The following ZFP64 variants were observed in gnomAD, a reference collection of about 807,000 sequenced individuals.
ZFP64 encodes ZFP64 zinc finger protein, also known as zinc finger protein 64.
A neutral mutation model predicts 51.6 loss-of-function variants in ZFP64; 14 were observed. The ratio of observed to expected loss-of-function variants is 0.27; its 90% CI spans 0.18 to 0.42. ZFP64 has a LOEUF of 0.42. Among genes scored for constraint, ZFP64 ranks in the 10% least tolerant of loss-of-function variants. The probability of loss-of-function intolerance (pLI) is 1.00; values close to 1 mark genes in which losing one functional copy is unlikely to be tolerated. For missense variants in ZFP64, 754 were observed against 906.8 expected (o/e 0.83, Z 2.16); for synonymous variants, 375 against 361.4 (o/e 1.04, Z -0.43).
chr20:52,086,478 ATTTTT>A (rs11476509), intron 8 of ZFP64, among the ~76,000 whole-genome samples: 2 of 142,564 alleles, frequency 1.4e-5, no homozygotes, highest in Non-Finnish European at 3.0e-5. Context: ...TTCACAAGGA[ATTTTT>A]TTTTTTTTTT....
intron 5 of ZFP64, among the ~76,000 whole-genome samples, chr20:52,140,506 G>A (rs1468292913): frequency 2.6e-5 from 4 of 152,206 alleles, no homozygotes; most frequent in East Asian, 1.9e-4. Flanking sequence ...AACCAGCCAC[G>A]ACATTGTCTT....
chr20:52,158,893 A>C (rs1004863069), intron 5 of ZFP64, among the ~76,000 whole-genome samples: 18 of 152,200 alleles, frequency 1.2e-4, no homozygotes, highest in African/African-American at 4.3e-4. Flanking sequence ...AAGAGTTGAA[A>C]TGGGCTTACA....
At chr20:52,182,518 A>C (rs1337046776) in intron 2 of ZFP64, among the ~76,000 whole-genome samples, 1 of 152,226 alleles carries the variant, frequency 6.6e-6, no homozygotes, top group Non-Finnish European at 1.5e-5. Context: ...CAGGAGTTCA[A>C]GACCAGCCTG....
intron 4 of ZFP64, among the ~76,000 whole-genome samples, chr20:52,162,909 T>C (rs1981942354): frequency 6.6e-6 from 1 of 152,196 alleles, no homozygotes; most frequent in South Asian, 2.1e-4. Flanking sequence ...AAGGTGAGGA[T>C]ACATTTAAAC....
chr20:52,108,924 T>TGAA, intron 5 of ZFP64, among the ~76,000 whole-genome samples: 1 of 150,676 alleles, frequency 6.6e-6, no homozygotes, highest in East Asian at 1.9e-4. Flanking sequence ...GGTCTACAGA[T>TGAA]ATAAATGAAA....
chr20:52,137,752 G>A (rs1012006212), intron 5 of ZFP64, among the ~76,000 whole-genome samples: 27 of 152,236 alleles, frequency 1.8e-4, no homozygotes, highest in Admixed American at 3.9e-4. Flanking sequence ...TGAGGATGGC[G>A]GCTGTAGAAG....
At position 52,151,313 on chromosome 20, in the gene ZFP64, A is replaced by G; in HGVS notation, c.*833T>C. 1.0e-6 allele frequency: 1 copy of G among 985,266 alleles called. No individual in the cohort carries two copies. Among genetic ancestry groups the G allele is most frequent in the Non-Finnish European group, 1.2e-6 (1 of 829,782 alleles). 61.0% of individuals were successfully genotyped at this position (985,266 alleles called of 1,614,324 possible). A position where few individuals can be genotyped will look rare whatever the true frequency, so the allele number is the denominator to read the frequency against. Reference sequence around the variant, plus strand: ...TCAGATATCAATTTATTATGGAACCATTCATTTTCTGCTCATTAGCACTAA... The same window carrying G: ...TCAGATATCAATTTATTATGGAACCGTTCATTTTCTGCTCATTAGCACTAA... On this transcript the variant is annotated 3_prime_UTR_variant, in exon 6 of 6. Transcript: ENST00000216923.
intron 5 of ZFP64, among the ~76,000 whole-genome samples, chr20:52,099,592 AG>A (rs1203960002): frequency 6.6e-6 from 1 of 152,250 alleles, no homozygotes; most frequent in African/African-American, 2.4e-5. Flanking sequence ...AGTTTGCTAC[AG>A]GGGTTTTATA....
At position 52,152,980 on chromosome 20, in the gene ZFP64, C is replaced by T. The variant is rs767295474; in HGVS notation, c.1212G>A (p.Glu404=). ...TGCTCTGCCTGCCGGTGTCCTTCCT[C>T]TCTAGAGCCTCAGTCTTAACCATGT... ...HGDMVKTEAL[E]RKDTGRQSSR... The change falls in exon 6 of 6, where the codon GAG becomes GAA. Residue 404 remains glutamate (E), a synonymous_variant. Coordinates refer to ENST00000216923, the MANE Select transcript of ZFP64 (RefSeq NM_018197.3). The T allele has an allele frequency of 1.2e-6, 2 of 1,613,912 alleles. No individual in the cohort carries two copies. The highest frequency in any genetic ancestry group is 2.2e-5 in the East Asian group (1 of 44,888).
intron 5 of ZFP64, among the ~76,000 whole-genome samples, chr20:52,144,636 GGTAGAGAAATAAATA>G (rs1745513152): frequency 7.2e-6 from 1 of 138,010 alleles, no homozygotes; most frequent in Admixed American, 7.4e-5. Context: ...ATGGAGGAGG[GGTAGAGAAATAAATA>G]AAAGCAAAAG....
At chr20:52,170,077 C>T (rs994382602) in intron 2 of ZFP64, among the ~76,000 whole-genome samples, 3 of 151,880 alleles carry the variant, frequency 2.0e-5, no homozygotes, top group Admixed American at 2.0e-4. Context: ...TAATATAGTC[C>T]CATTTGTCTG....
At chr20:52,087,088 T>C (rs180676354) in intron 8 of ZFP64, among the ~76,000 whole-genome samples, 1 of 152,112 alleles carries the variant, frequency 6.6e-6, no homozygotes, top group Non-Finnish European at 1.5e-5. Context: ...ATTTCCCAAC[T>C]CTTGAGGGCA....
intron 5 of ZFP64, among the ~76,000 whole-genome samples, chr20:52,117,096 C>G (rs975814396): frequency 6.6e-6 from 1 of 151,988 alleles, no homozygotes; most frequent in East Asian, 1.9e-4. Context: ...CACACACACA[C>G]AAATTATGAA....
chr20:52,190,189 G>C (rs1222804899), intron 1 of ZFP64, among the ~76,000 whole-genome samples: 3 of 152,116 alleles, frequency 2.0e-5, no homozygotes, highest in Non-Finnish European at 4.4e-5. Flanking sequence ...TTCTTCTCTG[G>C]CAGATACTGA....
intron 2 of ZFP64, among the ~76,000 whole-genome samples, chr20:52,172,570 C>T (rs540403587): frequency 3.3e-5 from 5 of 152,126 alleles, no homozygotes; most frequent in Non-Finnish European, 7.4e-5. Context: ...AAACGCCCCA[C>T]ATCTGCTGAG....
intron 5 of ZFP64, among the ~76,000 whole-genome samples, chr20:52,133,810 C>G (rs1359048268): frequency 2.0e-5 from 3 of 151,984 alleles, no homozygotes; most frequent in Non-Finnish European, 4.4e-5. Context: ...GGGTAGATCA[C>G]TTGAGTCTAG....
At chr20:52,106,196 G>T (rs1178819247) in intron 5 of ZFP64, among the ~76,000 whole-genome samples, 5 of 152,184 alleles carry the variant, frequency 3.3e-5, no homozygotes, top group African/African-American at 4.8e-5. Flanking sequence ...TCGGGGGGTT[G>T]AGCTAATTAG....
At chr20:52,102,661 A>G (rs958562104) in intron 5 of ZFP64, among the ~76,000 whole-genome samples, 2 of 151,968 alleles carry the variant, frequency 1.3e-5, no homozygotes, top group Non-Finnish European at 2.9e-5. Context: ...GAGGCACTGT[A>G]TAACACAGTG....
intron 5 of ZFP64, among the ~76,000 whole-genome samples, chr20:52,101,216 T>A (rs1276032175): frequency 6.6e-6 from 1 of 152,156 alleles, no homozygotes; most frequent in Non-Finnish European, 1.5e-5. Flanking sequence ...CTACTCCCAA[T>A]GTTTCTTCCA....
Sources: allele counts gnomAD v4.1 joint callset (sites outside exome capture counted in the v4.1 genomes callset), GRCh38; gene constraint gnomAD v4.1.1; transcripts MANE v1.5; gene names NCBI Gene and HGNC (gene_info 2026-07-23, HGNC 2026-07-21).